The following ALG12 variants were observed in gnomAD, a reference collection of about 807,000 sequenced individuals.
ALG12 encodes ALG12 alpha-1,6-mannosyltransferase, also known as dol-P-Man:Man(7)GlcNAc(2)-PP-Dol alpha-1,6-mannosyltransferase.
A neutral mutation model predicts 46.0 loss-of-function variants in ALG12; 36 were observed. The observed-to-expected ratio is 0.78, with a 90% confidence interval of 0.60 to 1.03. The LOEUF (loss-of-function observed/expected upper bound fraction) is 1.03. Ranked by LOEUF, ALG12 falls within the 50% of genes least tolerant of loss-of-function variation. ALG12 has a pLI of 0.00. For missense variants in ALG12, 599 were observed against 633.5 expected, an observed-to-expected ratio of 0.95 and a Z score of 0.58; for synonymous variants, 326 against 291.6, an observed-to-expected ratio of 1.12 and a Z score of -1.20.
the ALG12 span, among the ~76,000 whole-genome samples, chr22:49,892,730 G>A: frequency 6.6e-6 from 1 of 152,190 alleles, no homozygotes. Flanking sequence ...AGCCTTGATT[G>A]CATCAGGGCG....
chr22:49,894,229 A>G, the ALG12 span, among the ~76,000 whole-genome samples: 4 of 152,238 alleles, frequency 2.6e-5, no homozygotes. Flanking sequence ...TAAAAGCAAT[A>G]AACATGTTGA....
the ALG12 span, among the ~76,000 whole-genome samples, chr22:49,874,386 T>TA: frequency 2.0e-5 from 3 of 150,704 alleles, no homozygotes; most frequent in African/African-American, 7.5e-5. Flanking sequence ...TGTATTGTTT[T>TA]AATTTTTTTT....
At chr22:49,864,144 C>G in the ALG12 span, among the ~76,000 whole-genome samples, 1 of 152,200 alleles carries the variant, frequency 6.6e-6, no homozygotes, top group Non-Finnish European at 1.5e-5. Context: ...TTCTAGGCCT[C>G]TGCTGGAGTG....
chr22:49,909,483 T>C, intron 5 of ALG12, 136 bp from the exon 6 acceptor site: 1 of 901,332 alleles, frequency 1.1e-6, no homozygotes, highest in Non-Finnish European at 1.8e-6. Context: ...GGAAGATTGC[T>C]GGAGCCTAGG....
intron 1 of ALG12, among the ~76,000 whole-genome samples, chr22:49,917,262 C>A (rs1350035529): frequency 6.6e-6 from 1 of 152,202 alleles, no homozygotes; most frequent in Admixed American, 6.5e-5. Context: ...AAAACGGGCC[C>A]AGGCCATGAC....
the ALG12 span, chr22:49,886,884 A>T: frequency 6.2e-7 from 1 of 1,614,130 alleles, no homozygotes; most frequent in South Asian, 1.1e-5. This position sits in a 1 kb window ranked among gnomAD's most constrained non-coding sequence, Gnocchi z 7.7. Flanking sequence ...TGAAGAAGAA[A>T]GACCCAAGAG....
chr22:49,915,640 G>C (rs1406365035), intron 1 of ALG12, among the ~76,000 whole-genome samples: 1 of 152,190 alleles, frequency 6.6e-6, no homozygotes, highest in Non-Finnish European at 1.5e-5. Flanking sequence ...ACTAGGTTAG[G>C]AATCACTAAC....
chr22:49,874,140 G>A, the ALG12 span, among the ~76,000 whole-genome samples: 1 of 152,158 alleles, frequency 6.6e-6, no homozygotes, highest in Non-Finnish European at 1.5e-5. Flanking sequence ...GCCGCCTCCT[G>A]CCTGGGCAGA....
At chr22:49,887,079 T>C in the ALG12 span, 7 of 1,614,060 alleles carry the variant, frequency 4.3e-6, no homozygotes, top group African/African-American at 6.7e-5. Context: ...ACACACCCAC[T>C]GAGAACGGTA....
rs532833282 is a variant in ALG12 at position 49,911,891 on chromosome 22, G to A, written c.296-1284C>T. 1.2e-4 allele frequency among the ~76,000 whole-genome samples: 18 copies of A among 152,264 alleles called. No homozygotes were observed. In the South Asian group the frequency reaches 1.5e-3, roughly 12 times the overall value. The stretch of plus-strand genomic sequence containing the variant: ...TTTCCCCATCAGGTCCATCCCCTGC[G>A]TCTCTTCTCTTGGTTTTCCATCTTC... On this transcript the variant is annotated intron_variant, in intron 3 of 9. Coordinates refer to ENST00000330817, the MANE Select transcript of ALG12 (RefSeq NM_024105.4).
At chr22:49,883,876 G>A in the ALG12 span, 2 of 1,606,888 alleles carry the variant, frequency 1.2e-6, no homozygotes, top group Admixed American at 3.4e-5. Flanking sequence ...CAAGCCCCCG[G>A]GGAAGTACTT....
At chr22:49,876,817 A>G in the ALG12 span, among the ~76,000 whole-genome samples, 1 of 152,184 alleles carries the variant, frequency 6.6e-6, no homozygotes, top group Non-Finnish European at 1.5e-5. Flanking sequence ...TAGTAGTGGT[A>G]TTTCCATTTA....
chr22:49,869,388 G>C, the ALG12 span, among the ~76,000 whole-genome samples: 1 of 152,184 alleles, frequency 6.6e-6, no homozygotes, highest in Non-Finnish European at 1.5e-5. Context: ...GGCAGCGCTC[G>C]TCCTCCAGAC....
chr22:49,908,534 A>G, intron 6 of ALG12, among the ~76,000 whole-genome samples: 1 of 144,896 alleles, frequency 6.9e-6, no homozygotes, highest in Non-Finnish European at 1.5e-5. Context: ...CTCAAAAAAA[A>G]AAAAAAAAAA....
At chr22:49,909,847 A>T (rs375346006) in intron 5 of ALG12, 47 bp downstream of exon 5, 1 of 1,611,616 alleles carries the variant, frequency 6.2e-7, no homozygotes, top group Admixed American at 1.7e-5. Flanking sequence ...TTGTAAAACA[A>T]GGCAAAACAA....
chr22:49,876,535 G>C, the ALG12 span, among the ~76,000 whole-genome samples: 4 of 152,174 alleles, frequency 2.6e-5, no homozygotes, highest in Non-Finnish European at 4.4e-5. Flanking sequence ...GTTATATTTA[G>C]TATGTTATTC....
chr22:49,874,003 A>T, the ALG12 span, among the ~76,000 whole-genome samples: 13 of 152,238 alleles, frequency 8.5e-5, no homozygotes, highest in Admixed American at 8.5e-4. Context: ...AATGAGCTTG[A>T]GTCCTGTGAC....
At chr22:49,908,071 G>T in intron 6 of ALG12, 127 bp from the exon 7 acceptor site, 1 of 932,624 alleles carries the variant, frequency 1.1e-6, no homozygotes, top group Non-Finnish European at 1.6e-6. Context: ...ACCACGGCTC[G>T]TGTGCACAGA....
At position 49,905,814 on chromosome 22, in the gene ALG12, C is replaced by T. The variant is rs1438611386; in HGVS notation, c.993-1308G>A. On this transcript the variant is annotated intron_variant, in intron 7 of 9. Coordinates refer to ENST00000330817, the MANE Select transcript of ALG12 (RefSeq NM_024105.4). This position sits in a 1 kb window ranked among gnomAD's most constrained non-coding sequence, Gnocchi z 4.9. ...GTGCACCCTTGAACAATCTCTGGTG[C>T]GGTTTCTGAGCTCGAGGCCCCACCT... Among the ~76,000 whole-genome samples, 1 of 152,212 alleles carries T rather than the reference C, an allele frequency of 6.6e-6. No homozygotes were observed. The highest frequency in any genetic ancestry group is 1.5e-5 in the Non-Finnish European group (1 of 68,032).
Sources: gnomAD v4.1 joint callset for allele counts (sites outside exome capture counted in the v4.1 genomes callset) on GRCh38, gnomAD v4.1.1 for gene constraint, Gnocchi (gnomAD v3.1) non-coding constraint, MANE v1.5 for transcripts, NCBI Gene and HGNC (gene_info 2026-07-23, HGNC 2026-07-21) for gene names.